The following STXBP5L variants were observed in gnomAD, a reference collection of about 807,000 sequenced individuals.
STXBP5L encodes syntaxin-binding protein 5-like.
Under a neutral mutation model 144.5 loss-of-function variants are expected in STXBP5L, and 65 were observed. The ratio of observed to expected loss-of-function variants is 0.45; its 90% confidence interval spans 0.37 to 0.55. The LOEUF (loss-of-function observed/expected upper bound fraction) is 0.55, where lower values mean the gene tolerates loss of function less well. STXBP5L is among the 20% of genes least tolerant of loss of function. The probability of loss-of-function intolerance (pLI) is 0.00; values close to 1 mark genes in which losing one functional copy is unlikely to be tolerated. For synonymous variants in STXBP5L, 505 were observed against 469.6 expected (o/e 1.08, Z -0.97); for missense variants, 1,298 against 1,405.5 (o/e 0.92, Z 1.22).
chr3:121,102,262 T>A (rs1439368900), intron 5 of STXBP5L, among the ~76,000 whole-genome samples: 1 of 152,126 alleles, frequency 6.6e-6, no homozygotes, highest in Non-Finnish European at 1.5e-5. Context: ...AAATCAGTCC[T>A]AAGCAAAAAG....
intron 20 of STXBP5L, among the ~76,000 whole-genome samples, chr3:121,349,295 T>C (rs1293329670): frequency 6.6e-6 from 1 of 152,136 alleles, no homozygotes; most frequent in Non-Finnish European, 1.5e-5. Context: ...TCCTGCGTTC[T>C]AGTTTGATTG....
chr3:121,303,185 GA>G (rs1252676173), intron 19 of STXBP5L, among the ~76,000 whole-genome samples: 1 of 151,804 alleles, frequency 6.6e-6, no homozygotes, highest in Non-Finnish European at 1.5e-5. Context: ...AAATTTACAA[GA>G]AAAAAACAAC....
At chr3:121,125,408 T>TTGCA (rs1273698002) in intron 7 of STXBP5L, among the ~76,000 whole-genome samples, 1 of 151,866 alleles carries the variant, frequency 6.6e-6, no homozygotes, top group East Asian at 1.9e-4. Flanking sequence ...GAGGTGGAGG[T>TTGCA]TGCAGTGAGC....
chr3:121,135,943 C>A (rs1253527640), intron 7 of STXBP5L, among the ~76,000 whole-genome samples: 1 of 152,076 alleles, frequency 6.6e-6, no homozygotes, highest in Non-Finnish European at 1.5e-5. Flanking sequence ...AAGGCCTTAG[C>A]ATGTCCAGGT....
At chr3:121,205,555 C>T (rs1191295) in intron 9 of STXBP5L, among the ~76,000 whole-genome samples, 5,778 of 152,292 alleles carry the variant, frequency 0.038, 167 homozygotes, top group Middle Eastern at 0.092. Flanking sequence ...AATAGTAATA[C>T]ATTTCATTAT....
chr3:120,911,525 A>C (rs1372897377), intron 2 of STXBP5L, among the ~76,000 whole-genome samples: 1 of 152,098 alleles, frequency 6.6e-6, no homozygotes. Context: ...CTCCTTAACT[A>C]AGAGACGGTT....
intron 5 of STXBP5L, among the ~76,000 whole-genome samples, chr3:121,055,628 A>T (rs895076934): frequency 1.6e-4 from 25 of 151,694 alleles, no homozygotes; most frequent in Admixed American, 1.6e-3. Flanking sequence ...CTCCCGCCTC[A>T]GCCTCCTTAG....
At chr3:121,012,287 C>G (rs1039604202) in intron 3 of STXBP5L, among the ~76,000 whole-genome samples, 3 of 151,674 alleles carry the variant, frequency 2.0e-5, no homozygotes, top group Non-Finnish European at 2.9e-5. Flanking sequence ...TGTGCACAGG[C>G]TTTTGTGTGC....
intron 7 of STXBP5L, among the ~76,000 whole-genome samples, chr3:121,147,167 C>G (rs2045744955): frequency 6.6e-6 from 1 of 151,942 alleles, no homozygotes; most frequent in East Asian, 1.9e-4. Flanking sequence ...ACATTATTTT[C>G]AAGTGCTTAT....
At chr3:121,103,797 A>G (rs2043553801) in intron 5 of STXBP5L, among the ~76,000 whole-genome samples, 1 of 152,194 alleles carries the variant, frequency 6.6e-6, no homozygotes, top group Admixed American at 6.5e-5. Context: ...AGAAAATTAG[A>G]TGATTAGGTG....
intron 3 of STXBP5L, among the ~76,000 whole-genome samples, chr3:120,974,796 G>C (rs77538873): frequency 0.15 from 22,527 of 151,910 alleles, 2,028 homozygotes; most frequent in East Asian, 0.48. Context: ...TTATTAAATA[G>C]GGAATCCTTT....
intron 3 of STXBP5L, among the ~76,000 whole-genome samples, chr3:120,984,645 T>C (rs1212670309): frequency 6.9e-6 from 1 of 145,562 alleles, no homozygotes; most frequent in Non-Finnish European, 1.5e-5. Context: ...TTTTTTTTTT[T>C]TTTTTTTTTG....
intron 19 of STXBP5L, among the ~76,000 whole-genome samples, chr3:121,307,084 C>T (rs1296554436): frequency 2.0e-5 from 3 of 152,048 alleles, no homozygotes; most frequent in Non-Finnish European, 2.9e-5. Flanking sequence ...GAGAAGCAAC[C>T]TCAAAGTCTT....
intron 3 of STXBP5L, among the ~76,000 whole-genome samples, chr3:120,995,250 C>T (rs151327001): frequency 7.9e-5 from 12 of 152,204 alleles, no homozygotes; most frequent in African/African-American, 2.6e-4. Context: ...TAGGCTCAAG[C>T]GATCCTTTCA....
intron 9 of STXBP5L, chr3:121,158,000 A>G (rs1238885791): frequency 5.9e-6 from 1 of 168,074 alleles, no homozygotes; most frequent in Non-Finnish European, 1.3e-5. Flanking sequence ...TAATTCCTAT[A>G]CTACTTTATA....
At position 120,986,357 on chromosome 3, in the gene STXBP5L, T is replaced by A. The variant is rs185315804; in HGVS notation, c.287+31320T>A. Among the ~76,000 whole-genome samples the A allele has an allele frequency of 2.6e-4, 39 of 152,048 alleles. No homozygotes were observed. In the East Asian group the frequency reaches 7.3e-3, roughly 29 times the overall value. Reference sequence around the variant, plus strand: ...CTTGATTAGAATGTATATGCTATGGTTTGGTCGAGTGTTCTGTATATGTCT... The same window carrying A: ...CTTGATTAGAATGTATATGCTATGGATTGGTCGAGTGTTCTGTATATGTCT... On this transcript the variant is annotated intron_variant, in intron 3 of 26. Coordinates refer to ENST00000471454, the MANE Select transcript of STXBP5L (RefSeq NM_001308330.2).
At chr3:121,127,769 T>C (rs1162963711) in intron 7 of STXBP5L, among the ~76,000 whole-genome samples, 2 of 152,012 alleles carry the variant, frequency 1.3e-5, no homozygotes, top group African/African-American at 2.4e-5. Flanking sequence ...AAAATTTATA[T>C]AGATAAGCCT....
At chr3:121,034,193 A>G (rs1261584497) in intron 3 of STXBP5L, among the ~76,000 whole-genome samples, 2 of 152,110 alleles carry the variant, frequency 1.3e-5, no homozygotes, top group South Asian at 2.1e-4. Context: ...TTGCATGAAT[A>G]TACTACATAG....
intron 20 of STXBP5L, among the ~76,000 whole-genome samples, chr3:121,342,181 C>G (rs753629393): frequency 3.9e-5 from 6 of 152,024 alleles, no homozygotes; most frequent in Admixed American, 1.3e-4. Flanking sequence ...TGAACCTGCA[C>G]AGTTCAAACC....
Sources: allele counts gnomAD v4.1 joint callset (sites outside exome capture counted in the v4.1 genomes callset), GRCh38; gene constraint gnomAD v4.1.1; transcripts MANE v1.5; gene names NCBI Gene and HGNC (gene_info 2026-07-23, HGNC 2026-07-21).